Variants in ADAM18 observed in about 807,000 individuals in gnomAD.
The protein encoded by ADAM18 is disintegrin and metalloproteinase domain-containing protein 18.
In ADAM18, 117 loss-of-function variants were observed where a neutral mutation model predicts 94.4. That is an observed-to-expected ratio of 1.24 (90% CI 1.07 to 1.45). The LOEUF is 1.45. Ranked by LOEUF, ADAM18 falls within the 40% of genes most tolerant of loss-of-function variation. ADAM18 has a pLI of 0.00. For synonymous variants in ADAM18, 327 were observed against 291.6 expected, an observed-to-expected ratio of 1.12 and a Z score of -1.24; for missense variants, 936 against 880.0, an observed-to-expected ratio of 1.06 and a Z score of -0.81.
At chr8:39,677,176 T>G (rs1821322883) in intron 14 of ADAM18, among the ~76,000 whole-genome samples, 1 of 152,180 alleles carries the variant, frequency 6.6e-6, no homozygotes, top group African/African-American at 2.4e-5. Flanking sequence ...GATTAAGAAG[T>G]ATTTGCTCCC....
chr8:39,706,034 A>G (rs928140993), intron 17 of ADAM18, among the ~76,000 whole-genome samples: 1 of 152,122 alleles, frequency 6.6e-6, no homozygotes, highest in Admixed American at 6.6e-5. Context: ...TGGGACTTAA[A>G]TAGTGGTTGA....
intron 9 of ADAM18, 146 bp downstream of exon 9, chr8:39,637,849 G>A: frequency 1.7e-6 from 1 of 601,806 alleles, no homozygotes; most frequent in Middle Eastern, 4.4e-4. Flanking sequence ...AGGTGCTAGT[G>A]TACTTAAAAA....
chr8:39,701,426 A>G (rs572577099), intron 17 of ADAM18, among the ~76,000 whole-genome samples: 3 of 151,918 alleles, frequency 2.0e-5, no homozygotes, highest in Admixed American at 2.0e-4. Context: ...TATTTCTTAT[A>G]TTTCACATTT....
rs757747566 is a variant in ADAM18, at chr8:39,668,045, T to C, written c.1374T>C (p.Cys458=). The C allele has an allele frequency of 2.2e-5, 36 of 1,614,120 alleles. No individual in the cohort carries two copies. Among genetic ancestry groups the C allele is most frequent in the Non-Finnish European group, 3.0e-5 (35 of 1,179,990 alleles). ...GTAGAAAGAGTATTGATCCAGAGTGTGATTTTACAGAGTACTGCAATGGAA... is the reference window on the plus strand; with the variant it reads ...GTAGAAAGAGTATTGATCCAGAGTGCGATTTTACAGAGTACTGCAATGGAA... The part of the protein sequence containing the change: ...TPCRKSIDPE[C]DFTEYCNGTS... The change falls in exon 14 of 20, where the codon TGT becomes TGC. Residue 458 remains cysteine (C), a synonymous_variant. Transcript: ENST00000265707.
intron 17 of ADAM18, 56 bp from the exon 18 acceptor site, chr8:39,706,734 G>T (rs563200063): frequency 3.4e-6 from 3 of 886,964 alleles, no homozygotes; most frequent in South Asian, 1.6e-5. Flanking sequence ...CAAAGACCTT[G>T]TATCAGATAC....
chr8:39,696,520 A>G (rs1305964422), intron 17 of ADAM18, among the ~76,000 whole-genome samples: 3 of 151,386 alleles, frequency 2.0e-5, no homozygotes, highest in Non-Finnish European at 4.4e-5. Flanking sequence ...CTTCAGTTAG[A>G]TCTTTTATCC....
intron 2 of ADAM18, among the ~76,000 whole-genome samples, chr8:39,602,721 G>T (rs1006593494): frequency 6.6e-6 from 1 of 151,806 alleles, no homozygotes; most frequent in Non-Finnish European, 1.5e-5. Context: ...TGAGATATGT[G>T]ATTTCCAAAT....
chr8:39,629,355 C>CGTT lies in ADAM18; in HGVS notation c.523-9_523-7dup. On this transcript the variant is annotated intron_variant, in intron 6 of 19. Transcript: ENST00000265707. ...ATACATGTTAACATTTTATAAATCC[C>CGTT]GTTGTTGTTGTTTTCCAGATAAAAA... 6.5e-7 allele frequency: 1 copy of CGTT among 1,527,198 alleles called. No homozygotes were observed. Among genetic ancestry groups the CGTT allele is most frequent in the East Asian group, 2.4e-5 (1 of 42,464 alleles). 94.6% of individuals were successfully genotyped at this position (1,527,198 alleles called of 1,614,324 possible). A position where few individuals can be genotyped will look rare whatever the true frequency, so the allele number is the denominator to read the frequency against.
chr8:39,686,312 G>A (rs906487686), intron 16 of ADAM18, among the ~76,000 whole-genome samples: 5 of 152,116 alleles, frequency 3.3e-5, no homozygotes, highest in African/African-American at 4.8e-5. Context: ...CAAAAGGAAC[G>A]TACTGCTTAA....
chr8:39,665,762 A>T (rs1426933404), intron 13 of ADAM18, among the ~76,000 whole-genome samples: 1 of 152,222 alleles, frequency 6.6e-6, no homozygotes, highest in Non-Finnish European at 1.5e-5. Flanking sequence ...GGCTAATTTC[A>T]TATTTCATTT....
At chr8:39,695,731 A>C (rs954542379) in intron 17 of ADAM18, among the ~76,000 whole-genome samples, 1 of 151,362 alleles carries the variant, frequency 6.6e-6, no homozygotes, top group Non-Finnish European at 1.5e-5. Context: ...GATATTTTCA[A>C]GCTCCATCCA....
intron 9 of ADAM18, among the ~76,000 whole-genome samples, 169 bp from the exon 10 acceptor site, chr8:39,638,291 GATTTA>G (rs1820140535): frequency 6.6e-6 from 1 of 151,392 alleles, no homozygotes; most frequent in African/African-American, 2.4e-5. Flanking sequence ...TTAGTATTTA[GATTTA>G]GTATTTAGTA....
intron 12 of ADAM18, among the ~76,000 whole-genome samples, chr8:39,663,451 T>C (rs1477483115): frequency 8.4e-6 from 1 of 119,628 alleles, no homozygotes; most frequent in Non-Finnish European, 1.8e-5. Flanking sequence ...AGAAAAAAAA[T>C]ATCTGGGCAT....
intron 6 of ADAM18, among the ~76,000 whole-genome samples, chr8:39,619,837 A>G (rs1327799369): frequency 6.6e-6 from 1 of 152,188 alleles, no homozygotes; most frequent in Non-Finnish European, 1.5e-5. Context: ...GATTCAATGC[A>G]ATTTCTGTCA....
At chr8:39,667,363 C>G (rs968045669) in intron 13 of ADAM18, among the ~76,000 whole-genome samples, 5 of 145,076 alleles carry the variant, frequency 3.4e-5, no homozygotes, top group African/African-American at 1.3e-4. Context: ...GATCATGCCA[C>G]TTCACTCCAG....
intron 6 of ADAM18, among the ~76,000 whole-genome samples, chr8:39,628,549 T>C (rs1332923571): frequency 6.6e-6 from 1 of 151,866 alleles, no homozygotes; most frequent in Non-Finnish European, 1.5e-5. Context: ...ATCCAGTAAG[T>C]TTGGGTTATT....
At chr8:39,621,980 C>T (rs1171692679) in intron 6 of ADAM18, among the ~76,000 whole-genome samples, 1 of 152,018 alleles carries the variant, frequency 6.6e-6, no homozygotes, top group Admixed American at 6.6e-5. Flanking sequence ...GGATGCTGGC[C>T]TTAATACTTG....
chr8:39,585,010 G>A (rs1180020848), intron 1 of ADAM18, among the ~76,000 whole-genome samples: 3 of 152,146 alleles, frequency 2.0e-5, no homozygotes, highest in African/African-American at 7.2e-5. Flanking sequence ...GAGGAAGCAA[G>A]TCTCTCATCG....
intron 10 of ADAM18, 91 bp downstream of exon 10, chr8:39,638,637 A>G: frequency 1.5e-6 from 1 of 674,260 alleles, no homozygotes. Flanking sequence ...ATAGTGTAAA[A>G]CCATTTGATC....
Sources: gnomAD v4.1 joint callset for allele counts (sites outside exome capture counted in the v4.1 genomes callset) on GRCh38, gnomAD v4.1.1 for gene constraint, MANE v1.5 for transcripts, NCBI Gene and HGNC (gene_info 2026-07-23, HGNC 2026-07-21) for gene names.